TATDN1: variants seen among roughly 807,000 people sequenced by gnomAD.
TATDN1 encodes deoxyribonuclease TATDN1.
In TATDN1, 40 loss-of-function variants were observed where a neutral mutation model predicts 46.4. The ratio of observed to expected loss-of-function variants is 0.86; its 90% CI spans 0.67 to 1.12. TATDN1 has a LOEUF of 1.12. Ranked by LOEUF, TATDN1 falls within the 50% of genes most tolerant of loss-of-function variation. TATDN1 has a pLI of 0.00. For missense variants in TATDN1, 326 were observed against 348.4 expected (o/e 0.94, Z 0.51); for synonymous variants, 95 against 105.6 (o/e 0.90, Z 0.62).
chr8:124,505,290 A>T (rs1818316384), intron 8 of TATDN1, among the ~76,000 whole-genome samples: 1 of 151,728 alleles, frequency 6.6e-6, no homozygotes, highest in Non-Finnish European at 1.5e-5. Context: ...AGGCTGAGGC[A>T]GGAGAATTGC....
chr8:124,508,725 T>G, intron 6 of TATDN1, 37 bp from the exon 7 acceptor site: 1 of 1,338,428 alleles, frequency 7.5e-7, no homozygotes, highest in South Asian at 1.4e-5. Context: ...TCATTACAAA[T>G]TGTATTTTAG....
At chr8:124,509,925 C>G (rs1467600163) in intron 6 of TATDN1, among the ~76,000 whole-genome samples, 1 of 151,026 alleles carries the variant, frequency 6.6e-6, no homozygotes, top group Non-Finnish European at 1.5e-5. Context: ...GTAATCCCAG[C>G]TATTCGGCAG....
intron 1 of TATDN1, among the ~76,000 whole-genome samples, chr8:124,533,680 A>T (rs778273818): frequency 1.3e-5 from 2 of 152,018 alleles, no homozygotes; most frequent in Non-Finnish European, 2.9e-5. Flanking sequence ...AAGGAAGGAG[A>T]CCAGGACCAA....
At chr8:124,526,420 G>A (rs547711706) in intron 1 of TATDN1, among the ~76,000 whole-genome samples, 2 of 152,294 alleles carry the variant, frequency 1.3e-5, no homozygotes, top group South Asian at 2.1e-4. Flanking sequence ...AATACTGTAT[G>A]AAAACCAATG....
intron 9 of TATDN1, among the ~76,000 whole-genome samples, chr8:124,499,559 T>A (rs1817760245): frequency 1.3e-5 from 2 of 152,188 alleles, no homozygotes; most frequent in Non-Finnish European, 2.9e-5. Flanking sequence ...TTTTCTTTTT[T>A]TTTGAGATGG....
intron 3 of TATDN1, among the ~76,000 whole-genome samples, chr8:124,519,097 G>A (rs770229763): frequency 4.6e-5 from 7 of 152,098 alleles, no homozygotes; most frequent in Non-Finnish European, 8.8e-5. Flanking sequence ...GCATGTAGAG[G>A]TGCAGAATTC....
intron 1 of TATDN1, among the ~76,000 whole-genome samples, chr8:124,525,333 G>C (rs1358407799): frequency 6.6e-6 from 1 of 152,012 alleles, no homozygotes; most frequent in Non-Finnish European, 1.5e-5. Context: ...TTTTAGTAGA[G>C]ACAGGGTTTT....
intron 9 of TATDN1, among the ~76,000 whole-genome samples, chr8:124,500,216 A>G (rs950646482): frequency 2.0e-5 from 3 of 152,244 alleles, no homozygotes; most frequent in African/African-American, 4.8e-5. Context: ...ATATGCTACT[A>G]TAAGTGGATT....
In TATDN1 at chr8:124,523,672, GTAA is replaced by G. The variant is rs984191204; in HGVS notation, c.23-673_23-671del. Among the ~76,000 whole-genome samples the G allele has an allele frequency of 3.3e-5, 5 of 152,320 alleles. No individual in the cohort carries two copies. The South Asian group carries it at 6.2e-4, about 19-fold the overall frequency. ...ATTTACATCAAATTAGGTATTTTAA[GTAA>G]TCTAGACATGATTTAAAGCATACAT... On this transcript the variant is annotated intron_variant, in intron 1 of 11. Coordinates refer to ENST00000276692, the MANE Select transcript of TATDN1 (RefSeq NM_032026.4).
intron 6 of TATDN1, among the ~76,000 whole-genome samples, chr8:124,512,949 C>A (rs1819155949): frequency 1.3e-5 from 2 of 151,684 alleles, no homozygotes; most frequent in Admixed American, 6.6e-5. Context: ...GAATCTTTCT[C>A]TGTTGCCCGG....
chr8:124,513,779 G>C (rs550043469), intron 6 of TATDN1, among the ~76,000 whole-genome samples: 1 of 152,204 alleles, frequency 6.6e-6, no homozygotes, highest in African/African-American at 2.4e-5. Flanking sequence ...GCCCTTGCTT[G>C]TCATAACACA....
chr8:124,538,004 T>C (rs1276927512), intron 1 of TATDN1, among the ~76,000 whole-genome samples: 1 of 152,088 alleles, frequency 6.6e-6, no homozygotes, highest in Non-Finnish European at 1.5e-5. Flanking sequence ...TCCTAATCTC[T>C]TGATTGCCAG....
intron 4 of TATDN1, among the ~76,000 whole-genome samples, chr8:124,516,627 T>C (rs940139829): frequency 2.6e-5 from 4 of 152,064 alleles, no homozygotes; most frequent in African/African-American, 9.7e-5. Flanking sequence ...ATCTTTTATA[T>C]TCACCATTCA....
At chr8:124,497,290 T>C (rs116266213) in intron 9 of TATDN1, among the ~76,000 whole-genome samples, 10,638 of 145,258 alleles carry the variant, frequency 0.073, 589 homozygotes, top group South Asian at 0.29. Context: ...TTCTTCTTCT[T>C]TTTTTTTTTT....
chr8:124,525,295 AC>A (rs1023757374), intron 1 of TATDN1, among the ~76,000 whole-genome samples: 12 of 152,072 alleles, frequency 7.9e-5, no homozygotes, highest in African/African-American at 2.9e-4. Context: ...ATAGGCGCCC[AC>A]CACCACACCC....
chr8:124,532,085 GGGAGGAGGAGGAGGA>G (rs558567492), intron 1 of TATDN1, among the ~76,000 whole-genome samples: 1 of 151,748 alleles, frequency 6.6e-6, no homozygotes, highest in Non-Finnish European at 1.5e-5. Flanking sequence ...GAGCAAGGGG[GGGAGGAGGAGGAGGA>G]GGAGGAGGAG....
At chr8:124,522,447 GTTC>G (rs1234914036) in intron 2 of TATDN1, among the ~76,000 whole-genome samples, 5 of 151,886 alleles carry the variant, frequency 3.3e-5, no homozygotes, top group African/African-American at 4.8e-5. Flanking sequence ...ACGGAGTTTC[GTTC>G]TTGTTGCCCA....
At chr8:124,496,441 G>A (rs2131357287) in intron 9 of TATDN1, among the ~76,000 whole-genome samples, 1 of 152,266 alleles carries the variant, frequency 6.6e-6, no homozygotes, top group Admixed American at 6.5e-5. Context: ...CTACCATTGT[G>A]GTATCATACT....
At chr8:124,504,373 T>C (rs1217949934) in intron 8 of TATDN1, 26 bp from the exon 9 acceptor site, 1 of 1,450,450 alleles carries the variant, frequency 6.9e-7, no homozygotes, top group Non-Finnish European at 9.3e-7. Flanking sequence ...TATAAGTTTA[T>C]TATTATAATA....
Sources: gnomAD v4.1 joint callset for allele counts (sites outside exome capture counted in the v4.1 genomes callset) on GRCh38, gnomAD v4.1.1 for gene constraint, MANE v1.5 for transcripts, NCBI Gene and HGNC (gene_info 2026-07-23, HGNC 2026-07-21) for gene names.